The following PSMB2 variants were observed in gnomAD, a reference collection of about 807,000 sequenced individuals.
PSMB2 encodes the protein proteasome 20S subunit beta 2.
In PSMB2, 13 loss-of-function variants were observed where a neutral mutation model predicts 25.7. The observed-to-expected ratio is 0.51, with a 90% CI of 0.33 to 0.80. The LOEUF is 0.80. Ranked by LOEUF, PSMB2 falls within the 30% of genes least tolerant of loss-of-function variation. The pLI, the probability that PSMB2 is intolerant of heterozygous loss-of-function variation, is 0.02. For missense variants in PSMB2, 202 were observed against 259.0 expected (o/e 0.78, Z 1.51); for synonymous variants, 87 against 96.2 (o/e 0.90, Z 0.56).
Position 35,602,422 on chromosome 1 carries a change from T to G in PSMB2, c.*845A>C, listed in dbSNP as rs891306137. 6.6e-6 allele frequency: 1 copy of G among 152,184 alleles called. No individual in the cohort carries two copies. The highest frequency in any genetic ancestry group is 1.5e-5 in the Non-Finnish European group (1 of 68,050). The allele number at this position is 152,184 out of a possible 1,614,324, so 9.4% of individuals were successfully genotyped here. On this transcript the variant is annotated 3_prime_UTR_variant, in exon 6 of 6. Coordinates refer to ENST00000373237, the MANE Select transcript of PSMB2 (RefSeq NM_002794.5). ...GTAACAGAATATCTCTTAAAAAACA[T>G]AAGAAATTAGTAGCTGAAGTTTCCT... is the stretch of plus-strand genomic sequence containing the variant.
chr1:35,629,815 A>G (rs1651036099), intron 3 of PSMB2, among the ~76,000 whole-genome samples: 1 of 152,098 alleles, frequency 6.6e-6, no homozygotes, highest in African/African-American at 2.4e-5. Context: ...CGTCTCAAAA[A>G]AAAAAAGAAA....
intron 1 of PSMB2, among the ~76,000 whole-genome samples, chr1:35,638,901 T>G (rs1311591932): frequency 6.6e-6 from 1 of 152,216 alleles, no homozygotes; most frequent in Admixed American, 6.5e-5. Context: ...AGGTTACTAT[T>G]TTTTCAGCAT....
intron 2 of PSMB2, among the ~76,000 whole-genome samples, chr1:35,635,953 AT>A (rs1313390530): frequency 6.6e-6 from 1 of 152,166 alleles, no homozygotes; most frequent in Non-Finnish European, 1.5e-5. Flanking sequence ...AAAAATTCAT[AT>A]GTTGAAGTCT....
intron 3 of PSMB2, 112 bp downstream of exon 3, chr1:35,631,162 G>A (rs150219106): frequency 2.4e-5 from 22 of 924,168 alleles, no homozygotes; most frequent in African/African-American, 1.5e-4. Flanking sequence ...GCAACAGGAG[G>A]GGTTCTGGAA....
chr1:35,612,602 G>C (rs1650375086), intron 3 of PSMB2, among the ~76,000 whole-genome samples: 1 of 152,192 alleles, frequency 6.6e-6, no homozygotes, highest in African/African-American at 2.4e-5. Context: ...AATTAGAAGA[G>C]AGAAAGAGGG....
rs1650005810 is a variant in PSMB2 at position 35,601,679 on chromosome 1, A to G, written c.*1588T>C. On this transcript the variant is annotated 3_prime_UTR_variant, in exon 6 of 6. Transcript: ENST00000373237. ...ACAGACAAAACAAAAACCTATCTGTATATGATATTAAGAGGAGCACAGAAT... is the reference window on the plus strand; with the variant it reads ...ACAGACAAAACAAAAACCTATCTGTGTATGATATTAAGAGGAGCACAGAAT... The G allele has an allele frequency of 2.0e-6, 2 of 985,390 alleles. No homozygotes were observed. Among genetic ancestry groups the G allele is most frequent in the Non-Finnish European group, 2.4e-6 (2 of 829,870 alleles). The allele number at this position is 985,390 out of a possible 1,614,324, so 61.0% of individuals were successfully genotyped here.
chr1:35,639,912 A>G (rs937414238), intron 1 of PSMB2, among the ~76,000 whole-genome samples: 1 of 152,190 alleles, frequency 6.6e-6, no homozygotes, highest in African/African-American at 2.4e-5. Flanking sequence ...TAATTCATTA[A>G]CCTTTTGAGA....
intron 3 of PSMB2, among the ~76,000 whole-genome samples, chr1:35,622,211 C>T (rs1401544792): frequency 6.6e-6 from 1 of 151,988 alleles, no homozygotes; most frequent in Non-Finnish European, 1.5e-5. Flanking sequence ...ATTCATATTC[C>T]TACATGATCT....
chr1:35,609,762 T>C (rs539438411), intron 3 of PSMB2, among the ~76,000 whole-genome samples: 1 of 152,338 alleles, frequency 6.6e-6, no homozygotes, highest in South Asian at 2.1e-4. Context: ...TAACTGTATA[T>C]TTTAAAATAA....
chr1:35,629,720 G>A (rs1427145554), intron 3 of PSMB2, among the ~76,000 whole-genome samples: 1 of 151,416 alleles, frequency 6.6e-6, no homozygotes, highest in Non-Finnish European at 1.5e-5. Flanking sequence ...TGAGGTGGGA[G>A]AATCACCTGA....
chr1:35,638,622 G>A (rs756808000), intron 1 of PSMB2, among the ~76,000 whole-genome samples: 6 of 152,092 alleles, frequency 3.9e-5, no homozygotes, highest in Non-Finnish European at 8.8e-5. Context: ...AATGTAGTTC[G>A]GATTATACAT....
chr1:35,629,314 G>C (rs2148575362), intron 3 of PSMB2, among the ~76,000 whole-genome samples: 1 of 152,240 alleles, frequency 6.6e-6, no homozygotes, highest in African/African-American at 2.4e-5. Context: ...TGTGGGAAGG[G>C]AATAACACAC....
At chr1:35,616,753 C>T (rs1026951185) in intron 3 of PSMB2, among the ~76,000 whole-genome samples, 35 of 152,162 alleles carry the variant, frequency 2.3e-4, no homozygotes, top group African/African-American at 8.2e-4. Context: ...TATTTTCTTA[C>T]ACTAATGTTC....
rs138246902 is a variant in PSMB2 at position 35,611,104 on chromosome 1, G to A, written c.286-1696C>T. Among the ~76,000 whole-genome samples the A allele has an allele frequency of 2.9e-3, 440 of 152,240 alleles. 2 individuals are homozygous for A. The highest frequency in any genetic ancestry group is 0.01 in the African/African-American group (419 of 41,534). ...ATGGCTTTCTTTTTCTCTGCAGGATGTGTTTCTCCTCTTGCCTTTGCTTCA... is the reference window on the plus strand; with the variant it reads ...ATGGCTTTCTTTTTCTCTGCAGGATATGTTTCTCCTCTTGCCTTTGCTTCA... On this transcript the variant is annotated intron_variant, in intron 3 of 5. Transcript: ENST00000373237.
At position 35,621,982 on chromosome 1, in the gene PSMB2, C is replaced by A. The variant is rs930966312; in HGVS notation, c.285+9292G>T. Among the ~76,000 whole-genome samples the A allele has an allele frequency of 4.6e-5, 7 of 151,492 alleles. No individual in the cohort carries two copies. In the East Asian group the frequency reaches 1.4e-3, roughly 29 times the overall value. On this transcript the variant is annotated intron_variant, in intron 3 of 5. Coordinates refer to ENST00000373237, the MANE Select transcript of PSMB2 (RefSeq NM_002794.5). Reference sequence around the variant, plus strand: ...CTGCACTCCAGCCTGGGCGACAGAGCGAGACTATGTCTCAAAAAGAAGAAA... The same window carrying A: ...CTGCACTCCAGCCTGGGCGACAGAGAGAGACTATGTCTCAAAAAGAAGAAA...
At chr1:35,627,487 T>G (rs570381131) in intron 3 of PSMB2, among the ~76,000 whole-genome samples, 3 of 151,822 alleles carry the variant, frequency 2.0e-5, no homozygotes, top group Non-Finnish European at 4.4e-5. Context: ...AAACCCCATC[T>G]CTACAAAAAA....
At chr1:35,623,185 C>A (rs1328912204) in intron 3 of PSMB2, among the ~76,000 whole-genome samples, 2 of 152,222 alleles carry the variant, frequency 1.3e-5, no homozygotes, top group South Asian at 2.1e-4. Context: ...TCCTAAGAGA[C>A]TCCTGTGAGA....
chr1:35,606,365 AAATT>A (rs1340094634), intron 4 of PSMB2, among the ~76,000 whole-genome samples: 1 of 152,238 alleles, frequency 6.6e-6, no homozygotes, highest in African/African-American at 2.4e-5. Flanking sequence ...GCAGGATACA[AAATT>A]AATATACAAA....
intron 3 of PSMB2, among the ~76,000 whole-genome samples, chr1:35,624,355 G>A (rs1391422799): frequency 1.3e-5 from 2 of 152,240 alleles, no homozygotes; most frequent in East Asian, 3.9e-4. Context: ...GCTCTTTGGT[G>A]GTAAGGGAAC....
Sources: allele counts gnomAD v4.1 joint callset (sites outside exome capture counted in the v4.1 genomes callset), GRCh38; gene constraint gnomAD v4.1.1; transcripts MANE v1.5; gene names NCBI Gene and HGNC (gene_info 2026-07-23, HGNC 2026-07-21).